Variants in ADCY2 observed in about 807,000 individuals in gnomAD.
ADCY2 encodes adenylate cyclase 2.
In ADCY2, 31 loss-of-function variants were observed where a neutral mutation model predicts 125.2. The ratio of observed to expected loss-of-function variants is 0.25; its 90% CI spans 0.19 to 0.33. ADCY2 has a LOEUF of 0.33. Among genes scored for constraint, ADCY2 ranks in the 10% least tolerant of loss-of-function variants. The pLI, the probability that ADCY2 is intolerant of heterozygous loss-of-function variation, is 1.00. For synonymous variants in ADCY2, 512 were observed against 548.4 expected, an observed-to-expected ratio of 0.93 and a Z score of 0.93; for missense variants, 904 against 1,418.2, an observed-to-expected ratio of 0.64 and a Z score of 5.82.
At chr5:7,823,074 A>C (rs193071966) in intron 24 of ADCY2, among the ~76,000 whole-genome samples, 106 of 152,270 alleles carry the variant, frequency 7.0e-4, no homozygotes, top group Non-Finnish European at 1.3e-4. Context: ...CCTGCCTTTC[A>C]TATTTACCCC....
At chr5:7,446,640 G>A (rs1212006473) in intron 2 of ADCY2, among the ~76,000 whole-genome samples, 1 of 152,136 alleles carries the variant, frequency 6.6e-6, no homozygotes, top group Non-Finnish European at 1.5e-5. Context: ...CGAAAGTCTT[G>A]TTTTTATAGG....
intron 14 of ADCY2, among the ~76,000 whole-genome samples, chr5:7,728,789 G>A (rs1307841095): frequency 6.6e-6 from 1 of 152,090 alleles, no homozygotes; most frequent in African/African-American, 2.4e-5. Context: ...TACATTATAA[G>A]TAATACAGGA....
intron 1 of ADCY2, among the ~76,000 whole-genome samples, chr5:7,402,660 G>T (rs1429717707): frequency 6.6e-6 from 1 of 152,230 alleles, no homozygotes; most frequent in Non-Finnish European, 1.5e-5. Context: ...GTGTAAGGCA[G>T]ATTGTATCTC....
intron 12 of ADCY2, among the ~76,000 whole-genome samples, chr5:7,718,145 A>ATTTTTTTT (rs59353850): frequency 5.2e-5 from 6 of 115,416 alleles, no homozygotes; most frequent in African/African-American, 1.4e-4. Flanking sequence ...CCTGTTTTAG[A>ATTTTTTTT]TTTTTTTTTT....
chr5:7,421,605 A>G (rs889254056), intron 2 of ADCY2, among the ~76,000 whole-genome samples: 3 of 152,220 alleles, frequency 2.0e-5, no homozygotes, highest in East Asian at 1.9e-4. Flanking sequence ...ACTTGAAGCT[A>G]TCTTTTCAGG....
chr5:7,482,838 C>A, intron 2 of ADCY2, among the ~76,000 whole-genome samples: 1 of 147,254 alleles, frequency 6.8e-6, no homozygotes, highest in Admixed American at 6.9e-5. Flanking sequence ...AAATGCTATT[C>A]AGTCATAAAG....
intron 15 of ADCY2, among the ~76,000 whole-genome samples, chr5:7,748,541 C>CACAG (rs1742707711): frequency 4.2e-5 from 2 of 47,520 alleles, no homozygotes; most frequent in African/African-American, 1.0e-4. Context: ...CACACACACA[C>CACAG]ACACACACAC....
chr5:7,733,775 G>A (rs111641520), intron 14 of ADCY2, among the ~76,000 whole-genome samples: 88 of 152,300 alleles, frequency 5.8e-4, no homozygotes, highest in African/African-American at 2.1e-3. Context: ...GGGGAATACA[G>A]TGTGTCTGAA....
chr5:7,694,179 C>A (rs1315871330), intron 5 of ADCY2, among the ~76,000 whole-genome samples: 2 of 152,204 alleles, frequency 1.3e-5, no homozygotes, highest in African/African-American at 4.8e-5. Context: ...CTGGGCTTAG[C>A]AGAAGGAGCA....
chr5:7,588,127 T>G (rs1181917135), intron 3 of ADCY2, among the ~76,000 whole-genome samples: 1 of 152,168 alleles, frequency 6.6e-6, no homozygotes, highest in Admixed American at 6.5e-5. Context: ...AAGAGGCTGA[T>G]AAGCGTTCCT....
chr5:7,672,111 G>A (rs1028809468), intron 4 of ADCY2, among the ~76,000 whole-genome samples: 2 of 152,120 alleles, frequency 1.3e-5, no homozygotes, highest in Middle Eastern at 3.2e-3. Flanking sequence ...AGGTGGTGGG[G>A]TGGGATTTGA....
At chr5:7,728,691 A>G (rs1329847812) in intron 14 of ADCY2, among the ~76,000 whole-genome samples, 1 of 152,200 alleles carries the variant, frequency 6.6e-6, no homozygotes, top group African/African-American at 2.4e-5. Flanking sequence ...ACTATTACCC[A>G]GGGAATGGGT....
intron 2 of ADCY2, among the ~76,000 whole-genome samples, chr5:7,502,708 A>AT (rs1743640391): frequency 6.6e-6 from 1 of 152,120 alleles, no homozygotes. Context: ...TTGCCCACAC[A>AT]TTTTTCTAGC....
rs78264065 is a variant in ADCY2 at position 7,733,840 on chromosome 5, G to T, written c.1871+6579G>T. The stretch of plus-strand genomic sequence containing the variant: ...GTAAAGGTAGAACTCTTCTTACTTG[G>T]CCAAAGATCATCTCTTTTTTCTTTC... On this transcript the variant is annotated intron_variant, in intron 14 of 24. Coordinates refer to ENST00000338316, the MANE Select transcript of ADCY2 (RefSeq NM_020546.3). Among the ~76,000 whole-genome samples the T allele has an allele frequency of 6.9e-3, 1,044 of 152,244 alleles. 5 individuals are homozygous for T. The highest frequency in any genetic ancestry group is 0.011 in the Non-Finnish European group (732 of 68,024).
intron 3 of ADCY2, among the ~76,000 whole-genome samples, chr5:7,588,705 A>G (rs889766511): frequency 1.3e-5 from 2 of 152,240 alleles, no homozygotes; most frequent in Non-Finnish European, 2.9e-5. Flanking sequence ...TTTGAAATTT[A>G]TGTAATTTTC....
intron 1 of ADCY2, among the ~76,000 whole-genome samples, chr5:7,407,523 C>T (rs1739544273): frequency 6.6e-6 from 1 of 152,002 alleles, no homozygotes; most frequent in African/African-American, 2.4e-5. Flanking sequence ...ACTTTTAAAC[C>T]ATCAGATTTG....
At chr5:7,787,144 C>T (rs570735041) in intron 19 of ADCY2, among the ~76,000 whole-genome samples, 2 of 152,232 alleles carry the variant, frequency 1.3e-5, no homozygotes, top group African/African-American at 2.4e-5. Context: ...GGTGACAATC[C>T]GAGGGATGGG....
chr5:7,706,718 CA>C (rs1741277863), intron 7 of ADCY2, 25 bp from the exon 8 acceptor site: 1 of 1,612,278 alleles, frequency 6.2e-7, no homozygotes, highest in Admixed American at 1.7e-5. Context: ...GTTACTTGAT[CA>C]TGATCTTACT....
At chr5:7,799,570 C>T (rs1744528992) in intron 20 of ADCY2, 1 of 152,270 alleles carries the variant, frequency 6.6e-6, no homozygotes, top group South Asian at 2.1e-4. Context: ...GTCCAAGCTC[C>T]CCAGAAGCAT....
Sources: allele counts gnomAD v4.1 joint callset (sites outside exome capture counted in the v4.1 genomes callset), GRCh38; gene constraint gnomAD v4.1.1; transcripts MANE v1.5; gene names NCBI Gene and HGNC (gene_info 2026-07-23, HGNC 2026-07-21).